ADAM22: variants seen among roughly 807,000 people sequenced by gnomAD.
The protein encoded by ADAM22 is disintegrin and metalloproteinase domain-containing protein 22.
Under a neutral mutation model 144.6 loss-of-function variants are expected in ADAM22, and 65 were observed. The ratio of observed to expected loss-of-function variants is 0.45; its 90% CI spans 0.37 to 0.55. ADAM22 has a LOEUF of 0.55. Among genes scored for constraint, ADAM22 ranks in the 20% least tolerant of loss-of-function variants. ADAM22 has a pLI of 0.00. For missense variants in ADAM22, 974 were observed against 1,184.9 expected (o/e 0.82, Z 2.61); for synonymous variants, 391 against 412.6 (o/e 0.95, Z 0.63).
chr7:87,950,989 T>C (rs2039282902), intron 2 of ADAM22, among the ~76,000 whole-genome samples: 1 of 152,220 alleles, frequency 6.6e-6, no homozygotes, highest in Non-Finnish European at 1.5e-5. Context: ...TGGGGTTGTT[T>C]GTTTTTTTCT....
chr7:88,162,349 AG>A (rs1218458140), intron 22 of ADAM22, among the ~76,000 whole-genome samples: 1 of 152,042 alleles, frequency 6.6e-6, no homozygotes, highest in Non-Finnish European at 1.5e-5. Context: ...TGTGATGAGG[AG>A]GAGGGAGTGG....
chr7:88,156,720 G>A (rs1316496055), intron 22 of ADAM22, among the ~76,000 whole-genome samples: 1 of 152,098 alleles, frequency 6.6e-6, no homozygotes, highest in African/African-American at 2.4e-5. Context: ...ACCCTCCCAT[G>A]GAAGATTGGA....
chr7:88,041,563 C>T (rs1026492061), intron 3 of ADAM22, among the ~76,000 whole-genome samples: 1 of 151,930 alleles, frequency 6.6e-6, no homozygotes, highest in African/African-American at 2.4e-5. Flanking sequence ...TTTCCCACAA[C>T]TCAACTATAT....
chr7:87,976,865 TA>T (rs777731081), intron 2 of ADAM22, among the ~76,000 whole-genome samples: 2 of 149,992 alleles, frequency 1.3e-5, no homozygotes, highest in South Asian at 2.1e-4. Context: ...AAGGGTTTTT[TA>T]TTTCTTTTTT....
chr7:88,141,855 A>G (rs1264200499), intron 14 of ADAM22, among the ~76,000 whole-genome samples: 1 of 152,174 alleles, frequency 6.6e-6, no homozygotes, highest in East Asian at 1.9e-4. Flanking sequence ...TTGTGCCACC[A>G]CAAATATCTT....
At chr7:87,986,238 A>G (rs893267730) in intron 3 of ADAM22, among the ~76,000 whole-genome samples, 1 of 152,180 alleles carries the variant, frequency 6.6e-6, no homozygotes, top group Non-Finnish European at 1.5e-5. Flanking sequence ...TAAGTTGAGA[A>G]GTGGTAAAGT....
chr7:88,193,375 G>A (rs1850030275), intron 31 of ADAM22, 136 bp downstream of exon 31: 1 of 1,058,768 alleles, frequency 9.4e-7, no homozygotes, highest in Non-Finnish European at 1.3e-6. Context: ...AAAATAAGGA[G>A]ATTCTTGAGA....
At chr7:88,022,659 G>GTGAA (rs1217893601) in intron 3 of ADAM22, among the ~76,000 whole-genome samples, 1 of 152,088 alleles carries the variant, frequency 6.6e-6, no homozygotes, top group African/African-American at 2.4e-5. Flanking sequence ...AGTAGAGTTC[G>GTGAA]TGAATTAAAC....
intron 3 of ADAM22, among the ~76,000 whole-genome samples, chr7:88,056,558 T>G (rs1808304794): frequency 6.6e-6 from 1 of 152,196 alleles, no homozygotes; most frequent in South Asian, 2.1e-4. Flanking sequence ...AATACAATGG[T>G]TCATCAGATA....
chr7:87,976,519 C>T (rs978419442), intron 2 of ADAM22, among the ~76,000 whole-genome samples: 2 of 152,204 alleles, frequency 1.3e-5, no homozygotes, highest in African/African-American at 4.8e-5. Flanking sequence ...GACTTCCAGC[C>T]TCCAGAACTG....
chr7:88,047,264 A>C (rs10282477), intron 3 of ADAM22, among the ~76,000 whole-genome samples: 4,530 of 152,288 alleles, frequency 0.03, 217 homozygotes, highest in African/African-American at 0.1. Context: ...CTACCTCTGT[A>C]GTTTTTTCCC....
chr7:87,979,592 G>A (rs1344987317), intron 3 of ADAM22, among the ~76,000 whole-genome samples: 2 of 152,020 alleles, frequency 1.3e-5, no homozygotes, highest in African/African-American at 4.8e-5. Flanking sequence ...TCTAATATTT[G>A]ATATTTTGAT....
intron 3 of ADAM22, among the ~76,000 whole-genome samples, chr7:88,014,973 A>G (rs1318773013): frequency 6.6e-6 from 1 of 152,240 alleles, no homozygotes; most frequent in African/African-American, 2.4e-5. Context: ...TCTCCAGGTG[A>G]TTCTGCTACA....
At chr7:88,109,907 C>G (rs565583362) in intron 5 of ADAM22, among the ~76,000 whole-genome samples, 1 of 152,186 alleles carries the variant, frequency 6.6e-6, no homozygotes, top group South Asian at 2.1e-4. Flanking sequence ...GGAAAGAGAG[C>G]TAATGGACAC....
intron 3 of ADAM22, among the ~76,000 whole-genome samples, chr7:88,049,052 T>C (rs2129473621): frequency 6.6e-6 from 1 of 152,320 alleles, no homozygotes; most frequent in Non-Finnish European, 1.5e-5. Context: ...TTTTAAATAA[T>C]TGATCATTTA....
At chr7:88,072,677 C>T (rs1813136249) in intron 3 of ADAM22, among the ~76,000 whole-genome samples, 1 of 152,214 alleles carries the variant, frequency 6.6e-6, no homozygotes, top group South Asian at 2.1e-4. Flanking sequence ...GTTTCTCTTT[C>T]CTTCATCAGC....
chr7:87,935,147 G>C lies in ADAM22; in HGVS notation c.207G>C (p.Ala69=). ...GCGAAGACGAAAGTCGGCACGACGCGCTCGACACGCGGGTGCGGGGCGACC... is the reference window on the plus strand; with the variant it reads ...GCGAAGACGAAAGTCGGCACGACGCCCTCGACACGCGGGTGCGGGGCGACC... ...SGGEDESRHD[A]LDTRVRGDLG... Residue 69 remains alanine, a synonymous_variant, in exon 2 of 32, where the codon GCG becomes GCC. Coordinates refer to ENST00000413139, the MANE Select transcript of ADAM22 (RefSeq NM_001324418.2). The C allele has an allele frequency of 6.2e-7, 1 of 1,612,668 alleles. No homozygotes were observed. The highest frequency in any genetic ancestry group is 8.5e-7 in the Non-Finnish European group (1 of 1,179,464).
intron 3 of ADAM22, among the ~76,000 whole-genome samples, chr7:88,064,190 AG>A (rs1458945047): frequency 6.6e-6 from 1 of 152,194 alleles, no homozygotes; most frequent in Non-Finnish European, 1.5e-5. Context: ...AAGGCTTTAT[AG>A]TTACGTAGAA....
intron 3 of ADAM22, among the ~76,000 whole-genome samples, chr7:88,006,220 A>G (rs1264560660): frequency 6.6e-6 from 1 of 152,206 alleles, no homozygotes; most frequent in Non-Finnish European, 1.5e-5. Context: ...GAATCTCTGA[A>G]TAGACCAATA....
Sources: allele counts gnomAD v4.1 joint callset (sites outside exome capture counted in the v4.1 genomes callset), GRCh38; gene constraint gnomAD v4.1.1; transcripts MANE v1.5; gene names NCBI Gene and HGNC (gene_info 2026-07-23, HGNC 2026-07-21).